Variants in EPHB1 observed in about 807,000 individuals in gnomAD.
EPHB1 encodes the protein EPH receptor B1.
Under a neutral mutation model 94.4 loss-of-function variants are expected in EPHB1, and 30 were observed. The observed-to-expected ratio is 0.32, with a 90% CI of 0.24 to 0.43. EPHB1 has a LOEUF of 0.43. Ranked by LOEUF, EPHB1 falls within the 20% of genes least tolerant of loss-of-function variation. The pLI is 1.00. For missense variants in EPHB1, 1,055 were observed against 1,308.3 expected (o/e 0.81, Z 2.99); for synonymous variants, 522 against 489.1 (o/e 1.07, Z -0.89).
At position 135,114,537 on chromosome 3, in the gene EPHB1, T is replaced by TAAAAA. The variant is rs56100882; in HGVS notation, c.961+7959_961+7963dup. On this transcript the variant is annotated intron_variant, in intron 4 of 15. Transcript: ENST00000398015. The stretch of plus-strand genomic sequence containing the variant: ...CAATATGGTGAAACCCTGTCTCTAC[T>TAAAAA]AAAAAAAAAAAAAAAAAAAAAAAAA... Among the ~76,000 whole-genome samples the TAAAAA allele has an allele frequency of 4.3e-4, 16 of 37,206 alleles. 1 individual carries two copies. Among genetic ancestry groups the TAAAAA allele is most frequent in the East Asian group, 9.3e-4 (1 of 1,080 alleles). The allele number at this position is 37,206 out of a possible 152,430, so 24.4% of individuals were successfully genotyped here.
At position 135,132,843 on chromosome 3, in the gene EPHB1, G is replaced by A. The variant is rs377348490; in HGVS notation, c.1091G>A (p.Arg364Gln). The change falls in exon 5 of 16, where the codon CGG becomes CAG. Residue 364 changes from arginine to glutamine, a missense_variant. Coordinates refer to ENST00000398015, the MANE Select transcript of EPHB1 (RefSeq NM_004441.5). ...VTYNIICKKC[R>Q]ADRRSCSRCD... The stretch of plus-strand genomic sequence containing the variant: ...TACAACATCATCTGCAAAAAGTGCC[G>A]GGCAGACCGCCGGAGCTGCTCCCGC... The A allele has an allele frequency of 4.3e-5, 69 of 1,613,886 alleles. No individual in the cohort carries two copies. The highest frequency in any genetic ancestry group is 8.0e-5 in the African/African-American group (6 of 74,906).
intron 9 of EPHB1, among the ~76,000 whole-genome samples, chr3:135,177,043 A>G (rs1299074002): frequency 7.9e-5 from 12 of 152,168 alleles, no homozygotes; most frequent in African/African-American, 4.8e-5. Flanking sequence ...TAACAAGTCT[A>G]TCAGTCAGTG....
chr3:135,150,006 G>T lies in EPHB1; in HGVS notation c.1298-4146G>T, dbSNP rs149816078. The stretch of plus-strand genomic sequence containing the variant: ...CCCAACTAGACTCCTGCACAGAAGT[G>T]CAGGGCTGTGACTTTCTTACTTGTT... On this transcript the variant is annotated intron_variant, in intron 5 of 15. Transcript: ENST00000398015. Among the ~76,000 whole-genome samples the T allele has an allele frequency of 4.8e-3, 738 of 152,310 alleles. 8 individuals are homozygous for T. Among genetic ancestry groups the T allele is most frequent in the African/African-American group, 0.017 (700 of 41,564 alleles).
In EPHB1 at chr3:134,801,335, C is replaced by T. The variant is rs114165184; in HGVS notation, c.58+5646C>T. The stretch of plus-strand genomic sequence containing the variant: ...ATATTCGTTCCTCTCTCTGCCCTGA[C>T]CAGCCCTTCCAAAGAAGAAATGATC... On this transcript the variant is annotated intron_variant, in intron 1 of 15. Coordinates refer to ENST00000398015, the MANE Select transcript of EPHB1 (RefSeq NM_004441.5). Among the ~76,000 whole-genome samples, 197 of 152,280 alleles carry T rather than the reference C, an allele frequency of 1.3e-3. 2 individuals are homozygous for T. Among genetic ancestry groups the T allele is most frequent in the African/African-American group, 4.6e-3 (192 of 41,550 alleles).
At chr3:135,070,633 G>A (rs1937673781) in intron 3 of EPHB1, among the ~76,000 whole-genome samples, 1 of 152,058 alleles carries the variant, frequency 6.6e-6, no homozygotes, top group African/African-American at 2.4e-5. Context: ...GAGGAGTTTG[G>A]GATGGGGTAG....
intron 2 of EPHB1, among the ~76,000 whole-genome samples, chr3:134,949,264 G>A (rs1932920360): frequency 1.3e-5 from 2 of 152,156 alleles, no homozygotes; most frequent in African/African-American, 2.4e-5. Flanking sequence ...GGCACTCTAG[G>A]AGTCCTGGGA....
intron 10 of EPHB1, among the ~76,000 whole-genome samples, chr3:135,188,995 C>T (rs1174191314): frequency 6.6e-6 from 1 of 152,192 alleles, no homozygotes; most frequent in Non-Finnish European, 1.5e-5. Context: ...CAAAGTCCAC[C>T]ATGCCCTACC....
At position 134,876,684 on chromosome 3, in the gene EPHB1, T is replaced by C. The variant is rs1265587017; in HGVS notation, c.59-49132T>C. ...GGGTCATGTGGCTAATGGTTATGGCTGGGGTGATAGGTGAGGATGGCGCCA... is the reference window on the plus strand; with the variant it reads ...GGGTCATGTGGCTAATGGTTATGGCCGGGGTGATAGGTGAGGATGGCGCCA... On this transcript the variant is annotated intron_variant, in intron 1 of 15. Coordinates refer to ENST00000398015, the MANE Select transcript of EPHB1 (RefSeq NM_004441.5). 4.6e-5 allele frequency among the ~76,000 whole-genome samples: 7 copies of C among 152,194 alleles called. No individual in the cohort carries two copies. In the East Asian group the frequency reaches 7.7e-4, roughly 17 times the overall value.
At chr3:134,893,190 T>C (rs556108138) in intron 1 of EPHB1, among the ~76,000 whole-genome samples, 1 of 152,300 alleles carries the variant, frequency 6.6e-6, no homozygotes, top group African/African-American at 2.4e-5. Context: ...ACAGACTTAA[T>C]TAGTTGCATA....
chr3:134,799,259 T>C (rs11921721), intron 1 of EPHB1, among the ~76,000 whole-genome samples: 141,420 of 152,288 alleles, frequency 0.93, 65,720 homozygotes, highest in East Asian at 0.99. Context: ...GGCCACAAGG[T>C]GAGGCAGTGA....
chr3:135,147,609 C>G (rs966513), intron 5 of EPHB1, among the ~76,000 whole-genome samples: 19,333 of 152,182 alleles, frequency 0.13, 1,359 homozygotes, highest in South Asian at 0.2. Context: ...CCAACACACA[C>G]ACTGTATGGA....
intron 13 of EPHB1, among the ~76,000 whole-genome samples, chr3:135,245,805 C>CAAA (rs34702210): frequency 2.9e-3 from 76 of 26,570 alleles, no homozygotes; most frequent in Middle Eastern, 0.031. Context: ...GACACCATCT[C>CAAA]AAAAAAAAAA....
At chr3:134,824,152 G>A (rs2036432969) in intron 1 of EPHB1, among the ~76,000 whole-genome samples, 2 of 79,356 alleles carry the variant, frequency 2.5e-5, no homozygotes, top group Non-Finnish European at 5.1e-5. Context: ...TTTTTTTTTG[G>A]TAATCCTAGC....
chr3:135,239,988 G>T (rs1008312793), intron 12 of EPHB1, among the ~76,000 whole-genome samples: 14 of 152,106 alleles, frequency 9.2e-5, no homozygotes, highest in African/African-American at 3.4e-4. Flanking sequence ...GTAGAAAGAG[G>T]CAGTACTGGT....
intron 2 of EPHB1, among the ~76,000 whole-genome samples, chr3:134,939,938 G>T (rs1560306491): frequency 6.6e-6 from 1 of 152,252 alleles, no homozygotes; most frequent in Non-Finnish European, 1.5e-5. Context: ...AATGGGACCA[G>T]AGCCTGTAAG....
At chr3:134,819,841 C>T (rs539269531) in intron 1 of EPHB1, among the ~76,000 whole-genome samples, 30 of 152,318 alleles carry the variant, frequency 2.0e-4, no homozygotes, top group Non-Finnish European at 2.9e-4. Flanking sequence ...CCTACAGATG[C>T]CCCATCCCAT....
At chr3:135,143,708 G>C (rs890256957) in intron 5 of EPHB1, among the ~76,000 whole-genome samples, 2 of 152,192 alleles carry the variant, frequency 1.3e-5, no homozygotes, top group African/African-American at 4.8e-5. Context: ...GAGTACCAAT[G>C]GTTGTGTCCT....
intron 1 of EPHB1, among the ~76,000 whole-genome samples, chr3:134,855,426 T>C (rs1393731142): frequency 6.6e-6 from 1 of 152,110 alleles, no homozygotes; most frequent in Non-Finnish European, 1.5e-5. Flanking sequence ...AAGGTGTCCA[T>C]TGGATTGCAC....
chr3:135,051,898 A>G (rs547076769), intron 3 of EPHB1, among the ~76,000 whole-genome samples: 2 of 152,330 alleles, frequency 1.3e-5, no homozygotes, highest in Admixed American at 6.5e-5. Flanking sequence ...CTGAGGGAGT[A>G]GAGATTCTCC....
Sources: allele counts gnomAD v4.1 joint callset (sites outside exome capture counted in the v4.1 genomes callset), GRCh38; gene constraint gnomAD v4.1.1; transcripts MANE v1.5; gene names NCBI Gene and HGNC (gene_info 2026-07-23, HGNC 2026-07-21).